CFAP69: variants seen among roughly 807,000 people sequenced by gnomAD.
CFAP69 encodes the protein cilia and flagella associated protein 69, also known as cilia- and flagella-associated protein 69.
A neutral mutation model predicts 123.0 loss-of-function variants in CFAP69; 92 were observed. That is an observed-to-expected ratio of 0.75 (90% CI 0.63 to 0.89). CFAP69 has a LOEUF of 0.89. Among genes scored for constraint, CFAP69 ranks in the 40% least tolerant of loss-of-function variants. The pLI, the probability that CFAP69 is intolerant of heterozygous loss-of-function variation, is 0.00. For missense variants in CFAP69, 1,067 were observed against 1,096.9 expected, an observed-to-expected ratio of 0.97 and a Z score of 0.39; for synonymous variants, 380 against 364.3, an observed-to-expected ratio of 1.04 and a Z score of -0.49.
chr7:90,311,784 G>A (rs1794355881), downstream of CFAP69, among the ~76,000 whole-genome samples: 1 of 152,158 alleles, frequency 6.6e-6, no homozygotes, highest in Admixed American at 6.5e-5. Context: ...TGGCCCAGAT[G>A]CCCATCCTCT....
chr7:90,294,790 A>G (rs17867088), intron 15 of CFAP69, among the ~76,000 whole-genome samples: 2,998 of 152,322 alleles, frequency 0.02, 97 homozygotes, highest in East Asian at 0.11. Flanking sequence ...GATTGGCTAC[A>G]GGTTAAGATT....
At chr7:90,264,675 T>C (rs1004834174) in intron 4 of CFAP69, among the ~76,000 whole-genome samples, 1 of 152,126 alleles carries the variant, frequency 6.6e-6, no homozygotes, top group African/African-American at 2.4e-5. Context: ...GTTCCTAAGT[T>C]TTTTTATTCA....
chr7:90,286,039 C>T (rs768713975), intron 13 of CFAP69, among the ~76,000 whole-genome samples: 47 of 152,210 alleles, frequency 3.1e-4, no homozygotes, highest in Non-Finnish European at 4.4e-4. Context: ...TGGTCGTGCA[C>T]GCCTGTAATC....
intron 1 of CFAP69, 131 bp downstream of exon 1, chr7:90,245,675 G>A (rs998034377): frequency 1.7e-6 from 2 of 1,204,822 alleles, no homozygotes; most frequent in Admixed American, 3.1e-5. Context: ...GCGGGATGGA[G>A]ATTCCAAGCG....
intron 1 of CFAP69, among the ~76,000 whole-genome samples, chr7:90,248,323 C>T (rs1796566795): frequency 6.6e-6 from 1 of 152,172 alleles, no homozygotes; most frequent in African/African-American, 2.4e-5. Context: ...AATATTGCTG[C>T]CTAAGGCAGC....
At chr7:90,258,051 A>G in intron 2 of CFAP69, 47 bp from the exon 3 acceptor site, 1 of 1,388,960 alleles carries the variant, frequency 7.2e-7, no homozygotes, top group Middle Eastern at 2.0e-4. Context: ...TTAAAATCTC[A>G]ACAGATTTAA....
At chr7:90,270,624 A>G (rs1799811911) in intron 6 of CFAP69, among the ~76,000 whole-genome samples, 1 of 152,128 alleles carries the variant, frequency 6.6e-6, no homozygotes, top group Admixed American at 6.5e-5. Flanking sequence ...GCCAGAGATC[A>G]TATTTACAAA....
intron 11 of CFAP69, 72 bp downstream of exon 11, chr7:90,277,406 G>C: frequency 8.3e-7 from 1 of 1,203,592 alleles, no homozygotes; most frequent in Non-Finnish European, 1.1e-6. Flanking sequence ...TTAAAGTCTT[G>C]ACTGTAAATA....
intron 20 of CFAP69, among the ~76,000 whole-genome samples, chr7:90,307,424 A>G (rs1793766457): frequency 6.6e-6 from 1 of 152,196 alleles, no homozygotes; most frequent in Admixed American, 6.5e-5. Flanking sequence ...TTAAGGCACA[A>G]GATAATAATT....
rs1235473912 is a variant in CFAP69 at position 90,265,308 on chromosome 7, T to G, written c.364T>G (p.Phe122Val). 6.2e-7 allele frequency: 1 copy of G among 1,608,354 alleles called. No homozygotes were observed. The highest frequency in any genetic ancestry group is 2.2e-5 in the East Asian group (1 of 44,652). ...YDIIKLCGLP[F>V]LKKKVSDEIT... ...TCTTCATTCTTATTGAAGCTTGCCA[T>G]TTTTGAAAAAGAAAGTGTCGGATGA... Residue 122 changes from phenylalanine (F) to valine (V), a missense_variant, in exon 5 of 23, where the codon TTT (phenylalanine) becomes GTT (valine). By Grantham distance (50) the Phe-to-Val change is conservative. Coordinates refer to ENST00000389297, the MANE Select transcript of CFAP69 (RefSeq NM_001039706.3).
chr7:90,293,748 T>G (rs1791536343), intron 15 of CFAP69, among the ~76,000 whole-genome samples: 1 of 152,206 alleles, frequency 6.6e-6, no homozygotes, highest in African/African-American at 2.4e-5. Context: ...AGTTCAGCAT[T>G]CTAATTATGT....
chr7:90,271,978 T>G lies in CFAP69; in HGVS notation c.860+20T>G. On this transcript the variant is annotated intron_variant, in intron 8 of 22. Transcript: ENST00000389297. Reference sequence around the variant, plus strand: ...TTTGCTGTAAGCGTATGTGGTTAGATAGGAATGTTCTTTTAATCTTAAAAT... The same window carrying G: ...TTTGCTGTAAGCGTATGTGGTTAGAGAGGAATGTTCTTTTAATCTTAAAAT... The G allele has an allele frequency of 6.3e-7, 1 of 1,588,202 alleles. No individual in the cohort carries two copies.
At chr7:90,261,855 A>C in intron 3 of CFAP69, 92 bp from the exon 4 acceptor site, 1 of 624,968 alleles carries the variant, frequency 1.6e-6, no homozygotes, top group Non-Finnish European at 2.5e-6. Flanking sequence ...AAATAGTTGG[A>C]ATTCTATAGA....
Position 90,262,059 on chromosome 7 carries a change from A to G in CFAP69, c.356+3A>G. ...TATGATATCATAAAACTGTGTGGGT[A>G]AGTTATCTTTCTTTAACTTTATTTT... On this transcript the variant is annotated splice_donor_region_variant and intron_variant, in intron 4 of 22. Transcript: ENST00000389297. 6.5e-7 allele frequency: 1 copy of G among 1,538,644 alleles called. No individual in the cohort carries two copies. The highest frequency in any genetic ancestry group is 1.4e-5 in the African/African-American group (1 of 71,840).
At position 90,250,231 on chromosome 7, in the gene CFAP69, AGAGAC is replaced by A. The variant is rs1562832650; in HGVS notation, c.120+4688_120+4692del. On this transcript the variant is annotated intron_variant, in intron 1 of 22. Coordinates refer to ENST00000389297, the MANE Select transcript of CFAP69 (RefSeq NM_001039706.3). ...GAGAGAGAGAGAGAGAGAGAGAGAG[AGAGAC>A]TCCTTGGTTGTCCATTGAGGAGTCA... is the stretch of plus-strand genomic sequence containing the variant. Among the ~76,000 whole-genome samples the A allele has an allele frequency of 3.4e-4, 44 of 128,556 alleles. 1 individual carries two copies. Among genetic ancestry groups the A allele is most frequent in the African/African-American group, 4.5e-4 (15 of 33,676 alleles). The allele number at this position is 128,556 out of a possible 152,430, so 84.3% of individuals were successfully genotyped here.
chr7:90,305,213 C>T (rs887752556), intron 19 of CFAP69, among the ~76,000 whole-genome samples: 14 of 150,910 alleles, frequency 9.3e-5, no homozygotes, highest in Admixed American at 4.0e-4. Flanking sequence ...TGGTGGCGGG[C>T]GCCTATAGTC....
intron 19 of CFAP69, 66 bp downstream of exon 19, chr7:90,304,886 A>G: frequency 9.3e-7 from 1 of 1,076,576 alleles, no homozygotes; most frequent in Admixed American, 2.2e-5. Context: ...GGAAAATAAA[A>G]TATCTATTCA....
chr7:90,282,004 G>A (rs1252628991), intron 12 of CFAP69, among the ~76,000 whole-genome samples: 6 of 152,076 alleles, frequency 3.9e-5, no homozygotes, highest in Admixed American at 3.9e-4. Context: ...AATCCTGTTG[G>A]CAATCAGATA....
chr7:90,291,669 A>T (rs1365271681), intron 15 of CFAP69, among the ~76,000 whole-genome samples: 1 of 152,044 alleles, frequency 6.6e-6, no homozygotes, highest in Non-Finnish European at 1.5e-5. Context: ...CTTCTGTAAC[A>T]TCTTCAGGCT....
Sources: gnomAD v4.1 joint callset for allele counts (sites outside exome capture counted in the v4.1 genomes callset) on GRCh38, gnomAD v4.1.1 for gene constraint, MANE v1.5 for transcripts, NCBI Gene and HGNC (gene_info 2026-07-23, HGNC 2026-07-21) for gene names.